Variants in RANBP2 observed in about 807,000 individuals in gnomAD.
The protein encoded by RANBP2 is RAN binding protein 2.
RANBP2 carries 57 observed loss-of-function variants against 303.6 expected under a neutral mutation model. That is an observed-to-expected ratio of 0.19 (90% CI 0.15 to 0.23). The LOEUF is 0.23. Ranked by LOEUF, RANBP2 falls within the 10% of genes least tolerant of loss-of-function variation. The probability of loss-of-function intolerance (pLI) is 1.00; values close to 1 mark genes in which losing one functional copy is unlikely to be tolerated. For missense variants in RANBP2, 3,138 were observed against 3,780.8 expected, an observed-to-expected ratio of 0.83 and a Z score of 4.46; for synonymous variants, 1,167 against 1,301.5, an observed-to-expected ratio of 0.90 and a Z score of 2.23.
chr2:109,116,689 TGGA>T, the RANBP2 span, among the ~76,000 whole-genome samples: 9 of 152,244 alleles, frequency 5.9e-5, no homozygotes, highest in African/African-American at 2.2e-4. Flanking sequence ...TGCGTTCCTT[TGGA>T]GGAGGAGAGG....
chr2:109,185,083 C>T, the RANBP2 span, among the ~76,000 whole-genome samples: 2 of 152,090 alleles, frequency 1.3e-5, no homozygotes, highest in African/African-American at 2.4e-5. Context: ...GCTGTTACAC[C>T]GTGGAGATAG....
At chr2:109,300,174 T>TA in the RANBP2 span, among the ~76,000 whole-genome samples, 2 of 152,158 alleles carry the variant, frequency 1.3e-5, no homozygotes, top group Admixed American at 1.3e-4. Context: ...GGCCCTGAGA[T>TA]ATGCTCTCGA....
chr2:109,124,139 T>G, the RANBP2 span, among the ~76,000 whole-genome samples: 1 of 151,728 alleles, frequency 6.6e-6, no homozygotes, highest in African/African-American at 2.4e-5. Flanking sequence ...GTCTCCTGAG[T>G]AGCTGGGATT....
chr2:109,664,251 A>G, the RANBP2 span, among the ~76,000 whole-genome samples: 1 of 152,238 alleles, frequency 6.6e-6, no homozygotes, highest in Non-Finnish European at 1.5e-5. Flanking sequence ...TATGAATTTA[A>G]ACTCACCTTA....
At chr2:108,980,955 A>T in the RANBP2 span, among the ~76,000 whole-genome samples, 1 of 137,160 alleles carries the variant, frequency 7.3e-6, no homozygotes, top group South Asian at 2.7e-4. Context: ...CCAAGGAAAG[A>T]CAGGGACCTC....
chr2:109,029,219 C>T, the RANBP2 span, among the ~76,000 whole-genome samples: 1 of 152,144 alleles, frequency 6.6e-6, no homozygotes, highest in South Asian at 2.1e-4. Flanking sequence ...CCCTTTCCTC[C>T]TTCATGTCAA....
the RANBP2 span, among the ~76,000 whole-genome samples, chr2:109,133,517 AAC>A: frequency 6.6e-6 from 1 of 152,168 alleles, no homozygotes; most frequent in African/African-American, 2.4e-5. Flanking sequence ...TTTTTAGCTG[AAC>A]ACAGTCACCT....
chr2:109,207,239 A>T, the RANBP2 span, among the ~76,000 whole-genome samples: 1 of 152,144 alleles, frequency 6.6e-6, no homozygotes. Flanking sequence ...TATGAGTTAC[A>T]ATTATTATTT....
chr2:108,886,802 T>C, the RANBP2 span, among the ~76,000 whole-genome samples: 1 of 152,206 alleles, frequency 6.6e-6, no homozygotes, highest in African/African-American at 2.4e-5. Flanking sequence ...TAGTCCCCTG[T>C]TGGATGAATA....
the RANBP2 span, chr2:109,616,228 A>G: frequency 0.15 from 171,966 of 1,158,282 alleles, 13,601 homozygotes; most frequent in African/African-American, 0.28. Context: ...GCCTTCTGGG[A>G]AAAGTGGATG....
the RANBP2 span, among the ~76,000 whole-genome samples, chr2:109,164,846 T>C: frequency 6.6e-6 from 1 of 152,210 alleles, no homozygotes; most frequent in Non-Finnish European, 1.5e-5. Flanking sequence ...CCTTTCTTCC[T>C]GTTTCTAATC....
the RANBP2 span, among the ~76,000 whole-genome samples, chr2:109,724,843 A>G: frequency 1.4e-4 from 22 of 152,304 alleles, no homozygotes; most frequent in East Asian, 4.1e-3. Context: ...AGACTCCAAA[A>G]GTAGGGAGGG....
chr2:109,454,882 T>C, the RANBP2 span, among the ~76,000 whole-genome samples: 1 of 151,926 alleles, frequency 6.6e-6, no homozygotes, highest in Admixed American at 6.6e-5. Flanking sequence ...TGCCAGTAAG[T>C]TTTCACTCTC....
At chr2:109,382,220 G>A in the RANBP2 span, among the ~76,000 whole-genome samples, 25 of 152,206 alleles carry the variant, frequency 1.6e-4, no homozygotes, top group African/African-American at 6.0e-4. Flanking sequence ...AAGTTACCAT[G>A]CCAGCACATA....
chr2:109,153,777 AC>A, the RANBP2 span, among the ~76,000 whole-genome samples: 4 of 151,638 alleles, frequency 2.6e-5, no homozygotes, highest in Admixed American at 1.3e-4. Flanking sequence ...CACATTAACC[AC>A]CCCCCGACCC....
chr2:109,437,199 G>A, the RANBP2 span: 4 of 1,547,452 alleles, frequency 2.6e-6, no homozygotes, highest in African/African-American at 4.1e-5. Context: ...GGCTTCCTGG[G>A]ACATGCTTGT....
chr2:108,763,974 C>T lies in RANBP2; in HGVS notation c.3435C>T (p.Pro1145=), dbSNP rs2149272863. The part of the protein sequence containing the change: ...HGPGKSVFGT[P]TLETANKNHE... ...CAGGGAAATCAGTATTTGGAACACCCACTTTAGAGACAGCAAACAAGAATC... is the reference window on the plus strand; with the variant it reads ...CAGGGAAATCAGTATTTGGAACACCTACTTTAGAGACAGCAAACAAGAATC... The change falls in exon 20 of 29, where the codon CCC becomes CCT. Residue 1145 remains proline, a synonymous_variant. Coordinates refer to ENST00000283195, the MANE Select transcript of RANBP2 (RefSeq NM_006267.5). 1 of 1,613,896 alleles carries T rather than the reference C, an allele frequency of 6.2e-7. No individual in the cohort carries two copies. Among genetic ancestry groups the T allele is most frequent in the African/African-American group, 1.3e-5 (1 of 74,980 alleles).
At chr2:108,771,978 T>A (rs1677535581) in intron 21 of RANBP2, 107 bp downstream of exon 21, 3 of 1,348,530 alleles carry the variant, frequency 2.2e-6, no homozygotes, top group Non-Finnish European at 2.1e-6. Flanking sequence ...ATCACTAATA[T>A]CCTTGCAGGT....
chr2:109,642,759 G>A, the RANBP2 span, among the ~76,000 whole-genome samples: 1 of 152,198 alleles, frequency 6.6e-6, no homozygotes, highest in Non-Finnish European at 1.5e-5. Context: ...TTTTAAGATT[G>A]GAAGTGTTAG....
Sources: gnomAD v4.1 joint callset for allele counts (sites outside exome capture counted in the v4.1 genomes callset) on GRCh38, gnomAD v4.1.1 for gene constraint, MANE v1.5 for transcripts, NCBI Gene and HGNC (gene_info 2026-07-23, HGNC 2026-07-21) for gene names.